Variants in TIAM1 observed in about 807,000 individuals in gnomAD.
The protein encoded by TIAM1 is rho guanine nucleotide exchange factor TIAM1.
Under a neutral mutation model 163.5 loss-of-function variants are expected in TIAM1, and 65 were observed. The observed-to-expected ratio is 0.40, with a 90% CI of 0.33 to 0.49. The LOEUF is 0.49. Among genes scored for constraint, TIAM1 ranks in the 20% least tolerant of loss-of-function variants. TIAM1 has a pLI of 0.77. For missense variants in TIAM1, 1,789 were observed against 2,044.7 expected (o/e 0.87, Z 2.41); for synonymous variants, 833 against 810.1 (o/e 1.03, Z -0.48).
intron 2 of TIAM1, among the ~76,000 whole-genome samples, chr21:31,421,537 C>T (rs963469709): frequency 5.9e-5 from 9 of 152,146 alleles, no homozygotes; most frequent in African/African-American, 1.2e-4. Flanking sequence ...ACGGCGCACG[C>T]GAGGGATCTA....
intron 2 of TIAM1, among the ~76,000 whole-genome samples, chr21:31,410,410 G>GA (rs953790488): frequency 2.6e-5 from 4 of 151,852 alleles, no homozygotes; most frequent in African/African-American, 7.3e-5. Context: ...GAGACAGTGA[G>GA]AGTATGTGAG....
At chr21:31,127,282 T>C in intron 25 of TIAM1, 130 bp from the exon 26 acceptor site, 1 of 779,742 alleles carries the variant, frequency 1.3e-6, no homozygotes. Flanking sequence ...AAAGATATTT[T>C]CCTACTATTT....
intron 4 of TIAM1, among the ~76,000 whole-genome samples, chr21:31,260,728 T>C (rs1458204248): frequency 1.5e-5 from 2 of 136,184 alleles, no homozygotes; most frequent in Non-Finnish European, 3.1e-5. Context: ...AAACAGAAGA[T>C]AGAGGAGAAC....
chr21:31,333,499 G>A (rs755209552), intron 2 of TIAM1, among the ~76,000 whole-genome samples: 9 of 152,056 alleles, frequency 5.9e-5, no homozygotes, highest in Non-Finnish European at 1.0e-4. Context: ...GTGCAGTGGC[G>A]CAAACATGGC....
chr21:31,485,594 C>T (rs2147404857), intron 1 of TIAM1, among the ~76,000 whole-genome samples: 1 of 152,296 alleles, frequency 6.6e-6, no homozygotes, highest in African/African-American at 2.4e-5. Context: ...ACTCCAGCAG[C>T]CGCCATTGTA....
At chr21:31,409,230 C>T (rs1019557074) in intron 2 of TIAM1, among the ~76,000 whole-genome samples, 1 of 152,132 alleles carries the variant, frequency 6.6e-6, no homozygotes, top group African/African-American at 2.4e-5. Context: ...CTGCCTCAGC[C>T]TCTCCAGTAG....
At chr21:31,261,541 GTTTCTAC>G (rs1211171944) in intron 4 of TIAM1, among the ~76,000 whole-genome samples, 1 of 152,044 alleles carries the variant, frequency 6.6e-6, no homozygotes, top group Non-Finnish European at 1.5e-5. Flanking sequence ...GTGAAACCCT[GTTTCTAC>G]TAAAAATACA....
chr21:31,199,469 C>T (rs2086073817), intron 12 of TIAM1, among the ~76,000 whole-genome samples: 1 of 152,024 alleles, frequency 6.6e-6, no homozygotes, highest in Non-Finnish European at 1.5e-5. Context: ...GGTAAGCCAC[C>T]TCCACCATGG....
chr21:31,366,975 T>C (rs966335491), intron 2 of TIAM1, among the ~76,000 whole-genome samples: 2 of 152,126 alleles, frequency 1.3e-5, no homozygotes, highest in African/African-American at 2.4e-5. Flanking sequence ...CAAATCTGTA[T>C]ACAAAGGGAA....
At chr21:31,253,773 A>G (rs564104319) in intron 4 of TIAM1, among the ~76,000 whole-genome samples, 1 of 152,320 alleles carries the variant, frequency 6.6e-6, no homozygotes, top group East Asian at 1.9e-4. Context: ...CAGCTTTGCT[A>G]TCTGCTATCC....
At chr21:31,259,908 T>C (rs2072357900) in intron 4 of TIAM1, among the ~76,000 whole-genome samples, 1 of 151,544 alleles carries the variant, frequency 6.6e-6, no homozygotes, top group Non-Finnish European at 1.5e-5. Flanking sequence ...AAACAATGCC[T>C]CTGTCCCACA....
rs748249401 is a variant in TIAM1, at chr21:31,120,467, C to A, written c.4677G>T (p.Leu1559=). Residue 1559 remains leucine (L), a synonymous_variant, in exon 28 of 28, where the codon CTG becomes CTT. Coordinates refer to ENST00000541036, the MANE Select transcript of TIAM1 (RefSeq NM_001353694.2). This position sits in a 1 kb window ranked among gnomAD's most constrained non-coding sequence, Gnocchi z 4.2. ...TCTCCAGGCCTCCATTGATCCCCGA[C>A]AGGGCAGCTTGCTTCTTGAGCTGTG... ...RMAQLKKQAA[L]SGINGGLESA... is the part of the protein sequence containing the mutation. The A allele has an allele frequency of 1.2e-5, 19 of 1,614,246 alleles. No individual in the cohort carries two copies. Among genetic ancestry groups the A allele is most frequent in the Non-Finnish European group, 1.5e-5 (18 of 1,180,046 alleles).
At position 31,245,562 on chromosome 21, in the gene TIAM1, C is replaced by G. The variant is rs1202447619; in HGVS notation, c.1510G>C (p.Ala504Pro). The G allele has an allele frequency of 6.2e-7, 1 of 1,606,290 alleles. No individual in the cohort carries two copies. Among genetic ancestry groups the G allele is most frequent in the Non-Finnish European group, 8.5e-7 (1 of 1,176,526 alleles). ...AVWVENSIVQAVPEHPKKDFV... is the reference protein window; with the variant it reads ...AVWVENSIVQPVPEHPKKDFV... ...TCCTTCTTGGGGTGCTCAGGCACCG[C>G]CTGCACAATGCTGTTCTCCACCCAG... Residue 504 changes from alanine (A) to proline (P), a missense_variant, in exon 6 of 28, where the codon GCG becomes CCG. Around this residue, in one of 5 missense-constraint regions of TIAM1, gnomAD observed 456 missense variants for 586.6 expected, o/e 0.78. Coordinates refer to ENST00000541036, the MANE Select transcript of TIAM1 (RefSeq NM_001353694.2).
At chr21:31,152,054 C>T (rs1170952088) in intron 19 of TIAM1, among the ~76,000 whole-genome samples, 6 of 127,636 alleles carry the variant, frequency 4.7e-5, no homozygotes, top group East Asian at 4.7e-4. Context: ...TTTTGTAAGA[C>T]GGAGCCTCGT....
intron 2 of TIAM1, among the ~76,000 whole-genome samples, chr21:31,359,874 GAGGA>G (rs1393796077): frequency 1.4e-5 from 2 of 144,118 alleles, no homozygotes; most frequent in Non-Finnish European, 1.5e-5. Context: ...GGGAGGGAGG[GAGGA>G]AAGACAATGA....
upstream of TIAM1, among the ~76,000 whole-genome samples, chr21:31,346,160 G>A (rs566482064): frequency 2.0e-5 from 3 of 152,024 alleles, no homozygotes; most frequent in African/African-American, 7.2e-5. Context: ...AGGCCCCCAC[G>A]ACAAAGAATT....
At chr21:31,225,629 C>T (rs958698602) in intron 7 of TIAM1, 97 bp downstream of exon 7, 20 of 962,914 alleles carry the variant, frequency 2.1e-5, no homozygotes, top group African/African-American at 6.7e-5. Flanking sequence ...AGGAGATATC[C>T]GATGATGTTT....
chr21:31,555,886 C>T (rs1034840744), intron 1 of TIAM1, among the ~76,000 whole-genome samples: 1 of 152,100 alleles, frequency 6.6e-6, no homozygotes. Flanking sequence ...TCAGTCGGCA[C>T]ACTAGAACTG....
At chr21:31,554,038 A>G (rs1397983482) in intron 1 of TIAM1, among the ~76,000 whole-genome samples, 1 of 152,174 alleles carries the variant, frequency 6.6e-6, no homozygotes, top group Non-Finnish European at 1.5e-5. Flanking sequence ...TTACAAGGTT[A>G]GCAGCTCTCA....
Sources: gnomAD v4.1 joint callset for allele counts (sites outside exome capture counted in the v4.1 genomes callset) on GRCh38, gnomAD v4.1.1 for gene constraint, gnomAD v4.1.1 regional missense constraint, Gnocchi (gnomAD v3.1) non-coding constraint, MANE v1.5 for transcripts, NCBI Gene and HGNC (gene_info 2026-07-23, HGNC 2026-07-21) for gene names.